SIM2: variants seen among roughly 807,000 people sequenced by gnomAD.
SIM2 encodes single-minded homolog 2.
In SIM2, 28 loss-of-function variants were observed where a neutral mutation model predicts 64.8. That is an observed-to-expected ratio of 0.43 (90% CI 0.32 to 0.59). SIM2 has a LOEUF of 0.59. Among genes scored for constraint, SIM2 ranks in the 20% least tolerant of loss-of-function variants. The pLI, the probability that SIM2 is intolerant of heterozygous loss-of-function variation, is 0.07. For missense variants in SIM2, 847 were observed against 871.4 expected, an observed-to-expected ratio of 0.97 and a Z score of 0.35; for synonymous variants, 408 against 391.1, an observed-to-expected ratio of 1.04 and a Z score of -0.51.
At position 36,726,332 on chromosome 21, in the gene SIM2, C is replaced by G. The variant is rs747872579; in HGVS notation, c.743+14C>G. Reference sequence around the variant, plus strand: ...CCTGGATTCCAGGTGAGTTCGGCACCTGCCACAGTGGCTGTGGCCTTCTGG... The same window carrying G: ...CCTGGATTCCAGGTGAGTTCGGCACGTGCCACAGTGGCTGTGGCCTTCTGG... On this transcript the variant is annotated intron_variant, in intron 6 of 10. Coordinates refer to ENST00000290399, the MANE Select transcript of SIM2 (RefSeq NM_005069.6). This position sits in a 1 kb window ranked among gnomAD's most constrained non-coding sequence, Gnocchi z 4.5. 5 of 1,606,382 alleles carry G rather than the reference C, an allele frequency of 3.1e-6. No homozygotes were observed. In the South Asian group the frequency reaches 5.5e-5, roughly 18 times the overall value.
rs1209869368 is a variant in SIM2 at position 36,740,088 on chromosome 21, G to T, written c.851-1629G>T. ...AAATGCCACTCACCATAGATTAGCC[G>T]GTGTCACCTGTTGGCCTTTCATTTT... is the stretch of plus-strand genomic sequence containing the variant. On this transcript the variant is annotated intron_variant, in intron 7 of 10. Coordinates refer to ENST00000290399, the MANE Select transcript of SIM2 (RefSeq NM_005069.6). Among the ~76,000 whole-genome samples, 7 of 150,966 alleles carry T rather than the reference G, an allele frequency of 4.6e-5. No individual in the cohort carries two copies. The South Asian group carries it at 1.5e-3, about 32-fold the overall frequency.
chr21:36,733,042 A>T (rs1406974813), intron 7 of SIM2, among the ~76,000 whole-genome samples: 1 of 152,146 alleles, frequency 6.6e-6, no homozygotes, highest in Non-Finnish European at 1.5e-5. Flanking sequence ...GGGGCTGACC[A>T]GCTGTTCTAA....
chr21:36,737,961 C>CAAAAAAAAAAAAAAAAAAAAAAAAAA (rs61252184), intron 7 of SIM2, among the ~76,000 whole-genome samples: 17 of 34,128 alleles, frequency 5.0e-4, no homozygotes, highest in African/African-American at 6.4e-4. Flanking sequence ...GACCCTGTCT[C>CAAAAAAAAAAAAAAAAAAAAAAAAAA]AAAAAAAAAA....
chr21:36,741,944 T>G, intron 8 of SIM2, 80 bp downstream of exon 8: 1 of 1,262,806 alleles, frequency 7.9e-7, no homozygotes. Context: ...AAGCACCATC[T>G]CTCTTTCTCT....
chr21:36,735,524 C>T (rs538803326), intron 7 of SIM2, among the ~76,000 whole-genome samples: 1 of 152,244 alleles, frequency 6.6e-6, no homozygotes, highest in South Asian at 2.1e-4. Flanking sequence ...AGCCCATCCC[C>T]CACACTCTCC....
At chr21:36,739,295 AG>A (rs1405560551) in intron 7 of SIM2, among the ~76,000 whole-genome samples, 2 of 152,176 alleles carry the variant, frequency 1.3e-5, no homozygotes, top group Non-Finnish European at 2.9e-5. Flanking sequence ...ATTGAGTCAC[AG>A]GGGGGTTGGT....
chr21:36,713,807 T>G (rs777396727), intron 3 of SIM2, among the ~76,000 whole-genome samples: 2 of 152,378 alleles, frequency 1.3e-5, no homozygotes, highest in South Asian at 2.1e-4. Flanking sequence ...CTTATCCAGA[T>G]CCACATGGGT....
intron 1 of SIM2, among the ~76,000 whole-genome samples, chr21:36,703,039 C>T (rs1416660506): frequency 6.6e-6 from 1 of 152,098 alleles, no homozygotes; most frequent in Non-Finnish European, 1.5e-5. Flanking sequence ...ATGACACAGG[C>T]CTTTCCCAAG....
At chr21:36,737,959 C>T (rs1360145928) in intron 7 of SIM2, among the ~76,000 whole-genome samples, 2 of 12,482 alleles carry the variant, frequency 1.6e-4, no homozygotes, top group Admixed American at 6.1e-4. Context: ...AAGACCCTGT[C>T]TCAAAAAAAA....
At chr21:36,728,521 G>C (rs747757085) in intron 6 of SIM2, among the ~76,000 whole-genome samples, 1 of 152,224 alleles carries the variant, frequency 6.6e-6, no homozygotes, top group African/African-American at 2.4e-5. Context: ...AGAAAAGAAG[G>C]CTGGTGGTCT....
intron 2 of SIM2, chr21:36,709,682 G>T (rs1000984639): frequency 5.8e-6 from 2 of 347,476 alleles, no homozygotes; most frequent in East Asian, 1.7e-4. Context: ...GGGGCGCAAG[G>T]ACGGAGAGAC....
intron 1 of SIM2, among the ~76,000 whole-genome samples, chr21:36,700,455 T>G (rs1329753625): frequency 6.6e-6 from 1 of 152,004 alleles, no homozygotes; most frequent in Non-Finnish European, 1.5e-5. Flanking sequence ...CTTTCCTTCC[T>G]TTCTTTGGAA....
At position 36,699,951 on chromosome 21, in the gene SIM2, C is replaced by G; in HGVS notation, c.175+30C>G. 17 of 1,553,984 alleles carry G rather than the reference C, an allele frequency of 1.1e-5. No homozygotes were observed. Among genetic ancestry groups the G allele is most frequent in the Non-Finnish European group, 1.4e-5 (16 of 1,154,932 alleles). ...GGCCTCAGGTGGGCGGCCGGGGACG[C>G]TGGGGAGCCCGGCGGCCCCGGCCCA... On this transcript the variant is annotated intron_variant, in intron 1 of 10. Transcript: ENST00000290399. This position sits in a 1 kb window ranked among gnomAD's most constrained non-coding sequence, Gnocchi z 5.6.
chr21:36,703,062 G>C (rs1242391519), intron 1 of SIM2, among the ~76,000 whole-genome samples: 2 of 152,130 alleles, frequency 1.3e-5, no homozygotes, highest in Admixed American at 1.3e-4. Flanking sequence ...TCTGTAGCAA[G>C]GGCAATAGCA....
intron 7 of SIM2, among the ~76,000 whole-genome samples, chr21:36,736,506 G>C (rs2089050375): frequency 6.6e-6 from 1 of 152,220 alleles, no homozygotes; most frequent in African/African-American, 2.4e-5. Flanking sequence ...TAAAGAGAAA[G>C]AACTCCCAGC....
intron 2 of SIM2, chr21:36,710,293 G>A (rs562828575): frequency 6.6e-6 from 1 of 152,238 alleles, no homozygotes; most frequent in Non-Finnish European, 1.5e-5. Context: ...TTTGGAGCCA[G>A]GTGCTTAGCG....
intron 3 of SIM2, among the ~76,000 whole-genome samples, chr21:36,713,897 T>A (rs886681253): frequency 2.0e-5 from 3 of 152,264 alleles, no homozygotes; most frequent in Non-Finnish European, 4.4e-5. Flanking sequence ...TTTCTCTTCC[T>A]CTTCTCTGCT....
chr21:36,711,661 G>A (rs1017988984), intron 2 of SIM2, among the ~76,000 whole-genome samples: 3 of 152,164 alleles, frequency 2.0e-5, no homozygotes, highest in Admixed American at 2.0e-4. Context: ...TTTTATGGGG[G>A]CAACATTGTG....
chr21:36,721,764 G>A (rs1032764661), intron 4 of SIM2, among the ~76,000 whole-genome samples: 1 of 152,144 alleles, frequency 6.6e-6, no homozygotes, highest in Non-Finnish European at 1.5e-5. Context: ...TTAACTGTAT[G>A]GGACTGGGCT....
Sources: gnomAD v4.1 joint callset for allele counts (sites outside exome capture counted in the v4.1 genomes callset) on GRCh38, gnomAD v4.1.1 for gene constraint, Gnocchi (gnomAD v3.1) non-coding constraint, MANE v1.5 for transcripts, NCBI Gene and HGNC (gene_info 2026-07-23, HGNC 2026-07-21) for gene names.